Variants in SCP2 observed in about 807,000 individuals in gnomAD.
SCP2 encodes the protein SCP-2/3-oxoacyl-CoA thiolase.
SCP2 carries 48 observed loss-of-function variants against 71.4 expected under a neutral mutation model. The observed-to-expected ratio is 0.67, with a 90% CI of 0.53 to 0.86. The LOEUF (loss-of-function observed/expected upper bound fraction) is 0.86. Ranked by LOEUF, SCP2 falls within the 40% of genes least tolerant of loss-of-function variation. The probability of loss-of-function intolerance (pLI) is 0.00; values close to 1 mark genes in which losing one functional copy is unlikely to be tolerated. For missense variants in SCP2, 560 were observed against 655.6 expected, an observed-to-expected ratio of 0.85 and a Z score of 1.59; for synonymous variants, 220 against 218.1, an observed-to-expected ratio of 1.01 and a Z score of -0.08.
chr1:52,998,493 G>T (rs1033511191), intron 11 of SCP2, among the ~76,000 whole-genome samples: 1 of 152,166 alleles, frequency 6.6e-6, no homozygotes, highest in Non-Finnish European at 1.5e-5. Context: ...CTACCCAAGA[G>T]GCCGAGGTAG....
At chr1:52,984,299 C>T (rs1465344757) in intron 10 of SCP2, among the ~76,000 whole-genome samples, 1 of 152,176 alleles carries the variant, frequency 6.6e-6, no homozygotes, top group Non-Finnish European at 1.5e-5. Flanking sequence ...AAAAAGACAA[C>T]CAGGACCTCA....
At chr1:52,964,596 A>T (rs1204004139) in intron 6 of SCP2, among the ~76,000 whole-genome samples, 1 of 152,220 alleles carries the variant, frequency 6.6e-6, no homozygotes, top group Non-Finnish European at 1.5e-5. Flanking sequence ...TTCAGACTGA[A>T]CAAGAATGTT....
intron 13 of SCP2, among the ~76,000 whole-genome samples, chr1:53,033,515 G>A (rs1280179551): frequency 6.8e-6 from 1 of 147,284 alleles, no homozygotes; most frequent in African/African-American, 2.5e-5. Flanking sequence ...TGAGGCAGGA[G>A]AATCACTTGA....
intron 11 of SCP2, among the ~76,000 whole-genome samples, chr1:53,004,645 C>A (rs1378644167): frequency 6.6e-6 from 1 of 152,186 alleles, no homozygotes; most frequent in Admixed American, 6.5e-5. Context: ...TATACCCTCC[C>A]TGCCTTTAAG....
chr1:53,003,988 G>A (rs1379257307), intron 11 of SCP2, among the ~76,000 whole-genome samples: 1 of 152,004 alleles, frequency 6.6e-6, no homozygotes, highest in East Asian at 1.9e-4. Context: ...CACTCCTCTT[G>A]CGCTTTGGGG....
In SCP2 at chr1:53,013,778, T is replaced by C. The variant is rs573373148; in HGVS notation, c.1082-1112T>C. On this transcript the variant is annotated intron_variant, in intron 11 of 15. Coordinates refer to ENST00000371514, the MANE Select transcript of SCP2 (RefSeq NM_002979.5). ...GGAAGTTGGGGTTTATACAGGAAAT[T>C]GTCACAGGTACTCAGGAATTGGAAG... Among the ~76,000 whole-genome samples the C allele has an allele frequency of 3.6e-3, 550 of 151,936 alleles. 3 individuals carry two copies. Among genetic ancestry groups the C allele is most frequent in the African/African-American group, 0.013 (526 of 41,456 alleles).
chr1:53,034,030 G>A (rs556374958), intron 13 of SCP2, among the ~76,000 whole-genome samples: 5 of 152,176 alleles, frequency 3.3e-5, no homozygotes, highest in Non-Finnish European at 7.3e-5. Flanking sequence ...TTGGGAGGCC[G>A]AGGTGGGTGG....
Position 52,950,782 on chromosome 1 carries a change from T to C in SCP2, c.227T>C (p.Ile76Thr), listed in dbSNP as rs1368869343. 2 of 1,613,696 alleles carry C rather than the reference T, an allele frequency of 1.2e-6. No homozygotes were observed. The highest frequency in any genetic ancestry group is 1.7e-6 in the Non-Finnish European group (2 of 1,179,716). ...GACTCTACCTGTGGGCAGAGGGCTATCTATCACAGTTTGGGAATGACTGGA... is the reference window on the plus strand; with the variant it reads ...GACTCTACCTGTGGGCAGAGGGCTACCTATCACAGTTTGGGAATGACTGGA... Reference protein sequence around the residue: ...FGDSTCGQRAIYHSLGMTGIP... With the variant: ...FGDSTCGQRATYHSLGMTGIP... The change falls in exon 4 of 16, where the codon ATC becomes ACC. Residue 76 changes from isoleucine (I) to threonine (T), a missense_variant. Coordinates refer to ENST00000371514, the MANE Select transcript of SCP2 (RefSeq NM_002979.5).
chr1:52,943,694 GT>G, intron 2 of SCP2: 2 of 442,464 alleles, frequency 4.5e-6, no homozygotes, highest in African/African-American at 2.0e-5. Flanking sequence ...GTGCCAATCT[GT>G]TTTTAAGTCC....
chr1:53,043,796 G>GT (rs1353549046), intron 14 of SCP2, among the ~76,000 whole-genome samples: 16 of 152,116 alleles, frequency 1.1e-4, no homozygotes. Flanking sequence ...ATCTCAGTTT[G>GT]TTTTTTACCT....
intron 13 of SCP2, among the ~76,000 whole-genome samples, chr1:53,037,915 C>T (rs1018014419): frequency 1.6e-5 from 2 of 126,154 alleles, no homozygotes; most frequent in African/African-American, 3.3e-5. Flanking sequence ...CACACACACA[C>T]ACACACACAC....
intron 5 of SCP2, among the ~76,000 whole-genome samples, chr1:52,960,712 A>ATGTGTGTG (rs1232835088): frequency 2.8e-4 from 38 of 136,410 alleles, no homozygotes; most frequent in African/African-American, 1.0e-3. Context: ...TGTATATATT[A>ATGTGTGTG]TGTGCGTGTG....
chr1:52,974,611 A>T (rs939044456), intron 6 of SCP2, among the ~76,000 whole-genome samples, 158 bp from the exon 7 acceptor site: 10 of 152,200 alleles, frequency 6.6e-5, no homozygotes, highest in East Asian at 1.9e-4. Context: ...ATAAATAAAA[A>T]TTTTTTGAGG....
intron 11 of SCP2, among the ~76,000 whole-genome samples, chr1:53,014,595 A>ATT (rs1661205657): frequency 6.6e-6 from 1 of 152,244 alleles, no homozygotes; most frequent in African/African-American, 2.4e-5. Flanking sequence ...AATACATTAA[A>ATT]AATGGTAAAA....
intron 11 of SCP2, among the ~76,000 whole-genome samples, chr1:52,997,230 G>A (rs1383455266): frequency 1.3e-5 from 2 of 152,096 alleles, no homozygotes; most frequent in Non-Finnish European, 2.9e-5. Context: ...GTGCAGTGAT[G>A]CGATCTTGGC....
At chr1:52,997,998 G>A (rs1053661729) in intron 11 of SCP2, among the ~76,000 whole-genome samples, 5 of 152,132 alleles carry the variant, frequency 3.3e-5, no homozygotes, top group Admixed American at 1.3e-4. Context: ...GAATCATACA[G>A]CACATGTATG....
At chr1:52,961,699 T>A (rs939270047) in intron 6 of SCP2, 70 bp downstream of exon 6, 2 of 1,358,726 alleles carry the variant, frequency 1.5e-6, no homozygotes, top group African/African-American at 2.9e-5. Flanking sequence ...TGACAGTTAT[T>A]TATTAAGGAA....
In SCP2 at chr1:52,976,653, T is replaced by C. The variant is rs764968584; in HGVS notation, c.588-30T>C. 2.7e-6 allele frequency: 3 copies of C among 1,096,158 alleles called. No homozygotes were observed. The South Asian group carries it at 3.7e-5, about 14-fold the overall frequency. The allele number at this position is 1,096,158 out of a possible 1,614,324, so 67.9% of individuals were successfully genotyped here. A position where few individuals can be genotyped will look rare whatever the true frequency, so the allele number is the denominator to read the frequency against. The stretch of plus-strand genomic sequence containing the variant: ...CAAAAATTACAGTTGCTATCTCACA[T>C]TCTGTAACTAATATTTATTTTGTAT... On this transcript the variant is annotated intron_variant, in intron 7 of 15. Transcript: ENST00000371514.
intron 5 of SCP2, among the ~76,000 whole-genome samples, chr1:52,955,024 T>C (rs1198446007): frequency 6.6e-6 from 1 of 152,016 alleles, no homozygotes. Flanking sequence ...TTAAAAGCCA[T>C]TCATTTATTC....
Sources: gnomAD v4.1 joint callset for allele counts (sites outside exome capture counted in the v4.1 genomes callset) on GRCh38, gnomAD v4.1.1 for gene constraint, MANE v1.5 for transcripts, NCBI Gene and HGNC (gene_info 2026-07-23, HGNC 2026-07-21) for gene names.